Variants in RREB1 observed in about 807,000 individuals in gnomAD.
RREB1 encodes ras-responsive element-binding protein 1.
A neutral mutation model predicts 117.8 loss-of-function variants in RREB1; 27 were observed. The ratio of observed to expected loss-of-function variants is 0.23; its 90% CI spans 0.17 to 0.32. The LOEUF is 0.32. Ranked by LOEUF, RREB1 falls within the 10% of genes least tolerant of loss-of-function variation. The pLI is 1.00. For synonymous variants in RREB1, 1,298 were observed against 1,026.7 expected (o/e 1.26, Z -5.05); for missense variants, 2,577 against 2,378.2 (o/e 1.08, Z -1.74).
intron 10 of RREB1, 76 bp from the exon 11 acceptor site, chr6:7,240,358 CAGGA>C: frequency 8.2e-7 from 1 of 1,212,366 alleles, no homozygotes; most frequent in Non-Finnish European, 1.2e-6. Context: ...CCAATGATCC[CAGGA>C]GAATAAACAA....
intron 1 of RREB1, among the ~76,000 whole-genome samples, chr6:7,138,139 G>C (rs1050619773): frequency 3.3e-5 from 5 of 152,126 alleles, no homozygotes; most frequent in Non-Finnish European, 2.9e-5. Flanking sequence ...CAGAAAAAAA[G>C]AAAAGAAAGA....
At chr6:7,186,851 G>A (rs1765108012) in intron 4 of RREB1, among the ~76,000 whole-genome samples, 1 of 152,182 alleles carries the variant, frequency 6.6e-6, no homozygotes, top group African/African-American at 2.4e-5. Flanking sequence ...TTTTCTCAGT[G>A]TGATGTTTTT....
At chr6:7,176,250 C>G (rs1185531451) in intron 1 of RREB1, among the ~76,000 whole-genome samples, 1 of 152,138 alleles carries the variant, frequency 6.6e-6, no homozygotes, top group East Asian at 1.9e-4. Flanking sequence ...CTTATTTTTC[C>G]CCCTCTGTTT....
At chr6:7,224,161 G>C (rs941171747) in intron 8 of RREB1, among the ~76,000 whole-genome samples, 3 of 151,978 alleles carry the variant, frequency 2.0e-5, no homozygotes, top group Non-Finnish European at 4.4e-5. Context: ...TAATAAACTC[G>C]ATGTACCCTT....
intron 1 of RREB1, among the ~76,000 whole-genome samples, chr6:7,161,579 A>C (rs1446271123): frequency 1.3e-5 from 2 of 152,118 alleles, no homozygotes; most frequent in African/African-American, 4.8e-5. Flanking sequence ...GGGATCCCCC[A>C]TGCCCTCCTT....
intron 1 of RREB1, among the ~76,000 whole-genome samples, chr6:7,159,317 G>A (rs1763535033): frequency 1.3e-5 from 2 of 152,208 alleles, no homozygotes; most frequent in South Asian, 4.1e-4. Context: ...ATCTTTGATG[G>A]CCTAGATGTG....
At chr6:7,170,332 C>A (rs994228054) in intron 1 of RREB1, among the ~76,000 whole-genome samples, 3 of 151,890 alleles carry the variant, frequency 2.0e-5, no homozygotes, top group African/African-American at 7.3e-5. Flanking sequence ...CTGCGTGTCT[C>A]CCCTTGAGGT....
At chr6:7,113,460 G>A (rs1016037823) in intron 1 of RREB1, among the ~76,000 whole-genome samples, 1 of 152,084 alleles carries the variant, frequency 6.6e-6, no homozygotes. Context: ...CTAGGACTTA[G>A]TTAATTTCAC....
At chr6:7,117,369 C>T (rs887700433) in intron 1 of RREB1, among the ~76,000 whole-genome samples, 64 of 137,920 alleles carry the variant, frequency 4.6e-4, no homozygotes, top group African/African-American at 1.7e-3. Flanking sequence ...CAAAGGTGAA[C>T]CATGTGAATA....
intron 1 of RREB1, among the ~76,000 whole-genome samples, chr6:7,113,000 C>T (rs1213954599): frequency 6.6e-6 from 1 of 152,130 alleles, no homozygotes; most frequent in Non-Finnish European, 1.5e-5. Context: ...CTGAAGTTAG[C>T]CAGTCTGCCC....
intron 1 of RREB1, among the ~76,000 whole-genome samples, chr6:7,157,014 C>G (rs1218447155): frequency 1.3e-5 from 2 of 152,218 alleles, no homozygotes; most frequent in Non-Finnish European, 2.9e-5. Flanking sequence ...CTGACTGCCG[C>G]TGGGCTGCCT....
At chr6:7,206,377 G>A (rs1244350651) in intron 6 of RREB1, among the ~76,000 whole-genome samples, 3 of 152,224 alleles carry the variant, frequency 2.0e-5, no homozygotes, top group Non-Finnish European at 2.9e-5. Flanking sequence ...GAACCTGAGC[G>A]TGTATGTCAT....
rs780237679 is a variant in RREB1, at chr6:7,226,620, G to A, written c.861G>A (p.Thr287=). ...IPAGFHDLGF[T]DFSCRKFPRI... ...CTGGCTTCCACGACTTAGGATTCAC[G>A]GACTTCTCCTGTAGGAAGTTTCCTC... The change falls in exon 9 of 13, where the codon ACG becomes ACA. Residue 287 remains threonine (T), a synonymous_variant. Transcript: ENST00000379938. 4.0e-5 allele frequency: 64 copies of A among 1,613,972 alleles called. No individual in the cohort carries two copies. Among genetic ancestry groups the A allele is most frequent in the Middle Eastern group, 1.6e-4 (1 of 6,084 alleles).
intron 1 of RREB1, among the ~76,000 whole-genome samples, chr6:7,174,641 C>G (rs2113509171): frequency 6.6e-6 from 1 of 152,280 alleles, no homozygotes; most frequent in East Asian, 1.9e-4. Flanking sequence ...GAGACAGACT[C>G]TCTGTCGTCC....
At chr6:7,171,991 G>A (rs966434351) in intron 1 of RREB1, among the ~76,000 whole-genome samples, 2 of 151,742 alleles carry the variant, frequency 1.3e-5, no homozygotes, top group African/African-American at 2.4e-5. Flanking sequence ...TGTTGACCAG[G>A]CTTGAGTACA....
At chr6:7,168,254 GAAAAAAAA>G (rs574593859) in intron 1 of RREB1, among the ~76,000 whole-genome samples, 3 of 72,942 alleles carry the variant, frequency 4.1e-5, no homozygotes, top group South Asian at 1.1e-3. Flanking sequence ...GACTCCGTCT[GAAAAAAAA>G]AAAAAAAAAA....
chr6:7,146,719 G>A (rs931768277), intron 1 of RREB1, among the ~76,000 whole-genome samples: 2 of 151,554 alleles, frequency 1.3e-5, no homozygotes, highest in Non-Finnish European at 2.9e-5. Flanking sequence ...GCTGTTAGAA[G>A]CAGACTCACA....
rs754393685 is a variant in RREB1 at position 7,231,193 on chromosome 6, A to C, written c.3094A>C (p.Ser1032Arg). ...GGTCAGCAGCCCTCCACTCGTGGGC[A>C]GCTCAGCCCTCCTGAGTGGCACAGC... is the stretch of plus-strand genomic sequence containing the variant. ...ALVSSPPLVG[S>R]SALLSGTALL... is the part of the protein sequence containing the mutation. Residue 1032 changes from serine (S) to arginine (R), a missense_variant, in exon 10 of 13, where the codon AGC becomes CGC. Ser to Arg is a moderately radical substitution (Grantham distance 110, BLOSUM62 -1). Coordinates refer to ENST00000379938, the MANE Select transcript of RREB1 (RefSeq NM_001003699.4). 3 of 1,611,526 alleles carry C rather than the reference A, an allele frequency of 1.9e-6. No individual in the cohort carries two copies. In the South Asian group the frequency reaches 3.3e-5, roughly 18 times the overall value.
At chr6:7,232,053 G>A in intron 10 of RREB1, 146 bp downstream of exon 10, 1 of 820,746 alleles carries the variant, frequency 1.2e-6, no homozygotes, top group South Asian at 1.9e-5. Flanking sequence ...CCCCGAGCTT[G>A]TCTGGTGGTG....
Sources: gnomAD v4.1 joint callset for allele counts (sites outside exome capture counted in the v4.1 genomes callset) on GRCh38, gnomAD v4.1.1 for gene constraint, MANE v1.5 for transcripts, NCBI Gene and HGNC (gene_info 2026-07-23, HGNC 2026-07-21) for gene names.